The following CSTPP1 variants were observed in gnomAD, a reference collection of about 807,000 sequenced individuals.
CSTPP1 encodes the protein UPF0705 protein C11orf49.
chr11:47,148,317 C>T, the CSTPP1 span, among the ~76,000 whole-genome samples: 1 of 152,152 alleles, frequency 6.6e-6, no homozygotes, highest in African/African-American at 2.4e-5. Flanking sequence ...CCTGGGGACA[C>T]CCTTCAGCCA....
the CSTPP1 span, chr11:47,157,941 G>A: frequency 1.3e-6 from 2 of 1,599,482 alleles, no homozygotes; most frequent in Non-Finnish European, 1.7e-6. Context: ...GAGCTAAGCA[G>A]CCGTCAGCCT....
the CSTPP1 span, among the ~76,000 whole-genome samples, chr11:47,029,088 A>T: frequency 6.6e-6 from 1 of 151,670 alleles, no homozygotes; most frequent in Non-Finnish European, 1.5e-5. Flanking sequence ...CAAGCAATTC[A>T]TCTGCCTCGG....
chr11:47,007,373 G>T, the CSTPP1 span, among the ~76,000 whole-genome samples: 1 of 151,968 alleles, frequency 6.6e-6, no homozygotes, highest in Non-Finnish European at 1.5e-5. Flanking sequence ...ATTTTCTTCT[G>T]ATCTATTTTC....
the CSTPP1 span, among the ~76,000 whole-genome samples, chr11:47,065,333 A>C: frequency 2.0e-5 from 3 of 152,156 alleles, no homozygotes. Flanking sequence ...TTTAAGAGAA[A>C]GTGTCTTGCT....
the CSTPP1 span, among the ~76,000 whole-genome samples, chr11:47,031,861 G>A: frequency 5.3e-5 from 8 of 152,028 alleles, no homozygotes; most frequent in Non-Finnish European, 1.2e-4. Context: ...TCCCACAATA[G>A]GCCATCTGCA....
the CSTPP1 span, among the ~76,000 whole-genome samples, chr11:47,039,393 G>C: frequency 1.2e-4 from 15 of 127,850 alleles, 2 homozygotes; most frequent in Middle Eastern, 8.4e-3. Flanking sequence ...CAGTTGGCAG[G>C]CTGAGGCAGG....
chr11:46,997,032 C>G, the CSTPP1 span, among the ~76,000 whole-genome samples: 2 of 152,094 alleles, frequency 1.3e-5, no homozygotes, highest in African/African-American at 2.4e-5. Context: ...AATTTTGTGT[C>G]TTGGAGTTGC....
At chr11:47,025,693 A>G in the CSTPP1 span, among the ~76,000 whole-genome samples, 1 of 152,190 alleles carries the variant, frequency 6.6e-6, no homozygotes, top group Non-Finnish European at 1.5e-5. Context: ...AGTGAAATCT[A>G]CAGGTGATGC....
At chr11:47,152,428 G>T in the CSTPP1 span, among the ~76,000 whole-genome samples, 1 of 152,184 alleles carries the variant, frequency 6.6e-6, no homozygotes, top group Non-Finnish European at 1.5e-5. Flanking sequence ...CCACTTCTGA[G>T]GCTGGAAGGG....
chr11:46,944,091 G>T, the CSTPP1 span, among the ~76,000 whole-genome samples: 2 of 152,040 alleles, frequency 1.3e-5, no homozygotes, highest in African/African-American at 4.8e-5. Context: ...GCCGAGGCGG[G>T]TGGATCACCT....
the CSTPP1 span, among the ~76,000 whole-genome samples, chr11:47,152,575 A>G: frequency 6.6e-6 from 1 of 152,210 alleles, no homozygotes; most frequent in Admixed American, 6.5e-5. Context: ...TTCTGCTCCG[A>G]GGCAGGCTCT....
the CSTPP1 span, among the ~76,000 whole-genome samples, chr11:47,141,007 A>G: frequency 6.6e-6 from 1 of 152,048 alleles, no homozygotes; most frequent in Non-Finnish European, 1.5e-5. Flanking sequence ...AGGCTGAGGC[A>G]GGAGAATGGT....
the CSTPP1 span, chr11:47,160,004 A>G: frequency 4.2e-5 from 12 of 287,270 alleles, no homozygotes; most frequent in East Asian, 1.0e-3. Flanking sequence ...AACTCCATCA[A>G]ATAAATAAAC....
the CSTPP1 span, chr11:47,052,458 A>G: frequency 6.2e-7 from 1 of 1,613,988 alleles, no homozygotes; most frequent in Admixed American, 1.7e-5. Flanking sequence ...CACCCCCCAC[A>G]ATAGGGTATC....
chr11:47,139,317 G>T, the CSTPP1 span, among the ~76,000 whole-genome samples: 1 of 152,122 alleles, frequency 6.6e-6, no homozygotes, highest in South Asian at 2.1e-4. Context: ...GATATTCTGA[G>T]AAAAGAGGAG....
the CSTPP1 span, chr11:47,052,381 T>A: frequency 6.2e-7 from 1 of 1,609,722 alleles, no homozygotes; most frequent in South Asian, 1.1e-5. Context: ...GACTTTTCTC[T>A]TTGCAGTTTT....
At chr11:47,130,667 C>T in the CSTPP1 span, 1 of 152,198 alleles carries the variant, frequency 6.6e-6, no homozygotes, top group Non-Finnish European at 1.5e-5. Flanking sequence ...GTCCCTCACT[C>T]CCTTCCCCCT....
chr11:47,064,187 G>C, the CSTPP1 span, among the ~76,000 whole-genome samples: 1 of 152,128 alleles, frequency 6.6e-6, no homozygotes, highest in Non-Finnish European at 1.5e-5. Context: ...TCGTTGAGTT[G>C]TAGGAGTTCT....
the CSTPP1 span, among the ~76,000 whole-genome samples, chr11:47,063,225 A>AAT: frequency 3.9e-5 from 6 of 151,972 alleles, no homozygotes; most frequent in African/African-American, 7.3e-5. Context: ...CTAGGTCTTA[A>AAT]ATATATATAT....
Sources: gnomAD v4.1 joint callset for allele counts (sites outside exome capture counted in the v4.1 genomes callset) on GRCh38, gnomAD v4.1.1 for gene constraint, MANE v1.5 for transcripts, NCBI Gene and HGNC (gene_info 2026-07-23, HGNC 2026-07-21) for gene names.